LRRC4C: variants seen among roughly 807,000 people sequenced by gnomAD.
The protein encoded by LRRC4C is leucine-rich repeat-containing protein 4C.
Under a neutral mutation model 33.6 loss-of-function variants are expected in LRRC4C, and 5 were observed. The ratio of observed to expected loss-of-function variants is 0.15; its 90% confidence interval spans 0.08 to 0.31. LRRC4C has a LOEUF of 0.31. Ranked by LOEUF, LRRC4C falls within the 10% of genes least tolerant of loss-of-function variation. The pLI, the probability that LRRC4C is intolerant of heterozygous loss-of-function variation, is 1.00. For missense variants in LRRC4C, 560 were observed against 796.7 expected (o/e 0.70, Z 3.58); for synonymous variants, 329 against 302.0 (o/e 1.09, Z -0.93).
chr11:40,529,655 T>C (rs577763951), intron 3 of LRRC4C, among the ~76,000 whole-genome samples: 2 of 152,318 alleles, frequency 1.3e-5, no homozygotes, highest in Admixed American at 1.3e-4. Context: ...GAGTTTTCTG[T>C]GCAGTTAAAA....
At chr11:40,947,108 T>C (rs1230356948) in intron 1 of LRRC4C, among the ~76,000 whole-genome samples, 1 of 152,158 alleles carries the variant, frequency 6.6e-6, no homozygotes, top group Non-Finnish European at 1.5e-5. Flanking sequence ...TGAATAACCT[T>C]TGGAAATACA....
At chr11:40,169,509 T>C (rs1461653473) in intron 5 of LRRC4C, among the ~76,000 whole-genome samples, 1 of 152,192 alleles carries the variant, frequency 6.6e-6, no homozygotes, top group African/African-American at 2.4e-5. Flanking sequence ...GTTTTCACCA[T>C]AACACATTTT....
chr11:40,791,503 T>A (rs778724306), intron 2 of LRRC4C, among the ~76,000 whole-genome samples: 4 of 152,148 alleles, frequency 2.6e-5, no homozygotes, highest in Non-Finnish European at 5.9e-5. Context: ...TACTCTAATT[T>A]CCATAAAAGT....
At chr11:40,895,557 G>A (rs1049503089) in intron 2 of LRRC4C, among the ~76,000 whole-genome samples, 8 of 152,108 alleles carry the variant, frequency 5.3e-5, no homozygotes, top group Admixed American at 4.6e-4. Flanking sequence ...GCCTGCTGAA[G>A]CAGATACTTG....
At chr11:40,534,340 T>G (rs1956388857) in intron 3 of LRRC4C, among the ~76,000 whole-genome samples, 2 of 152,182 alleles carry the variant, frequency 1.3e-5, no homozygotes, top group Non-Finnish European at 1.5e-5. Flanking sequence ...TATATGTGTA[T>G]ATATACATAG....
chr11:40,972,646 A>G (rs1851805179), intron 1 of LRRC4C, among the ~76,000 whole-genome samples: 1 of 152,184 alleles, frequency 6.6e-6, no homozygotes, highest in Admixed American at 6.5e-5. Context: ...CCTCTTCACA[A>G]GGCGGTGGTA....
chr11:40,717,273 ATTT>A (rs59205744), intron 2 of LRRC4C, among the ~76,000 whole-genome samples: 6,060 of 141,520 alleles, frequency 0.043, 399 homozygotes, highest in African/African-American at 0.15. Flanking sequence ...ATGTATGTGT[ATTT>A]TTTTTTTTTT....
intron 2 of LRRC4C, among the ~76,000 whole-genome samples, chr11:40,916,265 C>T (rs1956953537): frequency 6.6e-6 from 1 of 152,138 alleles, no homozygotes; most frequent in Non-Finnish European, 1.5e-5. Flanking sequence ...TATTGTGGCA[C>T]TATTCACAAT....
chr11:41,418,065 T>C (rs1954751522), intron 1 of LRRC4C, among the ~76,000 whole-genome samples: 1 of 151,854 alleles, frequency 6.6e-6, no homozygotes. Context: ...AGAAAATTAC[T>C]TGGCTAGCTC....
intron 2 of LRRC4C, among the ~76,000 whole-genome samples, chr11:40,652,151 C>T (rs973894188): frequency 6.6e-5 from 10 of 152,244 alleles, no homozygotes; most frequent in South Asian, 6.2e-4. Flanking sequence ...CTAGATGCCA[C>T]GGCTGCAAGC....
At chr11:40,361,708 T>A (rs750537490) in intron 3 of LRRC4C, among the ~76,000 whole-genome samples, 7 of 152,166 alleles carry the variant, frequency 4.6e-5, no homozygotes, top group Non-Finnish European at 8.8e-5. Context: ...GCTATTAAAC[T>A]ACCAGTTCCC....
intron 2 of LRRC4C, among the ~76,000 whole-genome samples, chr11:40,752,802 T>G (rs1348820142): frequency 6.6e-6 from 1 of 152,078 alleles, no homozygotes; most frequent in Non-Finnish European, 1.5e-5. Flanking sequence ...GTCGGTATGT[T>G]AAAGAATACC....
chr11:41,239,432 C>T (rs1302909005), intron 1 of LRRC4C, among the ~76,000 whole-genome samples: 1 of 151,344 alleles, frequency 6.6e-6, no homozygotes, highest in African/African-American at 2.4e-5. Flanking sequence ...TATTTCTCCT[C>T]TCTCTCAACT....
In LRRC4C at chr11:40,902,009, C is replaced by CT. The variant is rs1369507501; in HGVS notation, c.-407+31625_-407+31626insA. Among the ~76,000 whole-genome samples the CT allele has an allele frequency of 4.2e-5, 4 of 96,272 alleles. No homozygotes were observed. The South Asian group carries it at 1.3e-3, about 32-fold the overall frequency. The allele number at this position is 96,272 out of a possible 152,430, so 63.2% of individuals were successfully genotyped here. On this transcript the variant is annotated intron_variant, in intron 2 of 6. Coordinates refer to ENST00000528697, the MANE Select transcript of LRRC4C (RefSeq NM_001258419.2). ...CTCTCTCTCTCTCTCTACACACACA[C>CT]ACACACACACACACACACACACACA... is the stretch of plus-strand genomic sequence containing the variant.
At chr11:40,869,752 T>C (rs1451716662) in intron 2 of LRRC4C, among the ~76,000 whole-genome samples, 1 of 152,146 alleles carries the variant, frequency 6.6e-6, no homozygotes, top group Non-Finnish European at 1.5e-5. Context: ...ACCTGGAAGT[T>C]TGCCGACGTA....
At chr11:41,364,435 C>T (rs1349867963) in intron 1 of LRRC4C, among the ~76,000 whole-genome samples, 2 of 152,042 alleles carry the variant, frequency 1.3e-5, no homozygotes, top group African/African-American at 2.4e-5. Flanking sequence ...CGCACCACCA[C>T]GCCCAGCTAA....
chr11:40,294,016 C>G (rs1944381337), intron 4 of LRRC4C: 1 of 152,536 alleles, frequency 6.6e-6, no homozygotes, highest in South Asian at 2.1e-4. Context: ...CCAGCCCAGG[C>G]TTTCTCTCGA....
intron 1 of LRRC4C, among the ~76,000 whole-genome samples, chr11:41,241,736 C>T (rs890685117): frequency 4.6e-5 from 7 of 152,242 alleles, no homozygotes; most frequent in Admixed American, 3.9e-4. Flanking sequence ...TTAATCACAA[C>T]TTTGTCCCTC....
At chr11:40,442,871 G>A (rs1221569954) in intron 3 of LRRC4C, among the ~76,000 whole-genome samples, 1 of 152,092 alleles carries the variant, frequency 6.6e-6, no homozygotes, top group African/African-American at 2.4e-5. Context: ...ATATGTTTCA[G>A]CAAAAATTGC....
Sources: allele counts gnomAD v4.1 joint callset (sites outside exome capture counted in the v4.1 genomes callset), GRCh38; gene constraint gnomAD v4.1.1; transcripts MANE v1.5; gene names NCBI Gene and HGNC (gene_info 2026-07-23, HGNC 2026-07-21).